The following ASMT variants were observed in gnomAD, a reference collection of about 807,000 sequenced individuals.
ASMT encodes acetylserotonin O-methyltransferase, also known as acetylserotonin N-methyltransferase.
A neutral mutation model predicts 41.3 loss-of-function variants in ASMT; 53 were observed. That is an observed-to-expected ratio of 1.28 (90% confidence interval 1.03 to 1.61). The LOEUF (loss-of-function observed/expected upper bound fraction) is 1.61. Among genes scored for constraint, ASMT ranks in the 40% most tolerant of loss-of-function variants. ASMT has a pLI of 0.00. For synonymous variants in ASMT, 231 were observed against 184.8 expected (o/e 1.25, Z -2.03); for missense variants, 531 against 441.3 (o/e 1.20, Z -1.82).
Position 1,627,942 on chromosome X carries a change from TG to T in ASMT, c.443+172del, listed in dbSNP as rs776122752. 2.8e-3 allele frequency: 1,969 copies of T among 695,130 alleles called. 20 individuals carry two copies. The African/African-American group carries it at 0.031, about 11-fold the overall frequency. 43.1% of individuals were successfully genotyped at this position (695,130 alleles called of 1,614,324 possible). The stretch of plus-strand genomic sequence containing the variant: ...ACTACCCCAGATTTTGCTCATCTGA[TG>T]TTTAAATTGATCAAATTCCTGAGGA... On this transcript the variant is annotated intron_variant, in intron 4 of 8. Coordinates refer to ENST00000381241, the MANE Select transcript of ASMT (RefSeq NM_001171038.2).
intron 5 of ASMT, among the ~76,000 whole-genome samples, chrX:1,630,799 C>T (rs1231635180): frequency 6.6e-6 from 1 of 151,966 alleles, no homozygotes; most frequent in East Asian, 1.9e-4. Context: ...CTCATGCAAT[C>T]CTGCTGCCTC....
At chrX:1,626,754 G>A (rs1210913937) in intron 3 of ASMT, among the ~76,000 whole-genome samples, 4 of 152,088 alleles carry the variant, frequency 2.6e-5, no homozygotes, top group East Asian at 1.9e-4. Context: ...CTGGCCAGGC[G>A]CGGTGGCTCA....
At chrX:1,617,121 T>G (rs1239202658) in intron 1 of ASMT, among the ~76,000 whole-genome samples, 1 of 151,988 alleles carries the variant, frequency 6.6e-6, no homozygotes, top group Non-Finnish European at 1.5e-5. Flanking sequence ...TGCAGTGAGC[T>G]ATGATTGCAC....
rs187673222 is a variant in ASMT at position 1,637,326 on chromosome X, A to G, written c.910+766A>G. On this transcript the variant is annotated intron_variant, in intron 8 of 8. Transcript: ENST00000381241. The stretch of plus-strand genomic sequence containing the variant: ...GAGGATGTGGGCACAGCCTCTGTGT[A>G]TGATGGGGACAGTGTCCCAGTGTCC... Among the ~76,000 whole-genome samples, 14 of 1,466 alleles carry G rather than the reference A, an allele frequency of 9.5e-3. 2 individuals carry two copies. The Admixed American group carries it at 0.12, about 12-fold the overall frequency. The allele number at this position is 1,466 out of a possible 152,430, so 1.0% of individuals were successfully genotyped here.
chrX:1,627,483 T>C (rs1299137612), intron 3 of ASMT, among the ~76,000 whole-genome samples: 6 of 148,846 alleles, frequency 4.0e-5, no homozygotes, highest in Admixed American at 6.7e-5. Context: ...TAGCTGGGCG[T>C]GGTGGCGGGC....
rs142665738 is a variant in ASMT at position 1,623,299 on chromosome X, C to T, written c.230C>T (p.Thr77Met). 2.0e-5 allele frequency: 32 copies of T among 1,613,706 alleles called. No individual in the cohort carries two copies. The highest frequency in any genetic ancestry group is 6.7e-5 in the African/African-American group (5 of 74,898). ...CVSLKLLKVETRGGKAFYRNT... is the reference protein window; with the variant it reads ...CVSLKLLKVEMRGGKAFYRNT... ...TCCCTGAAGCTGCTGAAAGTGGAGA[C>T]GAGGGGAGGAAAAGGTGAGGACACG... Residue 77 changes from threonine to methionine, a missense_variant, in exon 2 of 9, where the codon ACG (threonine) becomes ATG (methionine). By Grantham distance (81) the Thr-to-Met change is moderately conservative. Transcript: ENST00000381241.
intron 1 of ASMT, among the ~76,000 whole-genome samples, chrX:1,616,386 G>C (rs1312388600): frequency 1.3e-5 from 2 of 151,418 alleles, no homozygotes; most frequent in Non-Finnish European, 3.0e-5. Context: ...TATATGAAAT[G>C]TGCAGAGCAG....
In ASMT at chrX:1,636,482, C is replaced by G. The variant is rs778252161; in HGVS notation, c.832C>G (p.Leu278Val). 1 of 1,613,890 alleles carries G rather than the reference C, an allele frequency of 6.2e-7. No individual in the cohort carries two copies. The highest frequency in any genetic ancestry group is 1.7e-5 in the Admixed American group (1 of 59,984). Residue 278 changes from leucine to valine, a missense_variant, in exon 8 of 9, where the codon CTG (leucine) becomes GTG (valine). Coordinates refer to ENST00000381241, the MANE Select transcript of ASMT (RefSeq NM_001171038.2). ...TCTTCCGGAAGCTGATCTGTACATCCTGGCCAGGGTCCTCCATGACTGGGC... is the reference window on the plus strand; with the variant it reads ...TCTTCCGGAAGCTGATCTGTACATCGTGGCCAGGGTCCTCCATGACTGGGC... Reference protein sequence around the residue: ...DPLPEADLYILARVLHDWADG... With the variant: ...DPLPEADLYIVARVLHDWADG...
intron 6 of ASMT, 25 bp downstream of exon 6, chrX:1,632,812 A>G (rs28613362): frequency 0.51 from 232,997 of 453,146 alleles, 61,953 homozygotes; most frequent in South Asian, 0.59. Flanking sequence ...ATGAGACCAC[A>G]TGGACACAGG....
intron 2 of ASMT, 59 bp from the exon 3 acceptor site, chrX:1,624,210 C>T (rs1934439625): frequency 6.2e-7 from 1 of 1,611,022 alleles, no homozygotes; most frequent in African/African-American, 1.3e-5. Flanking sequence ...TGGGGAGCGT[C>T]CGCCGGCAGG....
Position 1,616,138 on chromosome X carries a change from C to G in ASMT, c.69+870C>G, listed in dbSNP as rs1251067941. ...CCGCCTCCAGGGTTCAGGCTATTCT[C>G]CTGCTTCAGCCTCCCGAGTATCTGG... On this transcript the variant is annotated intron_variant, in intron 1 of 8. Transcript: ENST00000381241. Among the ~76,000 whole-genome samples, 40 of 149,066 alleles carry G rather than the reference C, an allele frequency of 2.7e-4. 1 individual carries two copies. The highest frequency in any genetic ancestry group is 5.3e-4 in the Non-Finnish European group (36 of 67,984).
Position 1,635,132 on chromosome X carries a change from G to A in ASMT, c.788-1306G>A, listed in dbSNP as rs1266725020. Among the ~76,000 whole-genome samples, 358 of 138,326 alleles carry A rather than the reference G, an allele frequency of 2.6e-3. 8 individuals are homozygous for A. The highest frequency in any genetic ancestry group is 9.2e-3 in the African/African-American group (334 of 36,182). The allele number at this position is 138,326 out of a possible 152,430, so 90.7% of individuals were successfully genotyped here. On this transcript the variant is annotated intron_variant, in intron 7 of 8. Transcript: ENST00000381241. The stretch of plus-strand genomic sequence containing the variant: ...TGGGACTACAGGCGCCCACCACCAC[G>A]CCCAGCTAATTTTTTTTTTTTTTTT...
At chrX:1,636,584 A>C in intron 8 of ASMT, 24 bp downstream of exon 8, 1 of 1,613,876 alleles carries the variant, frequency 6.2e-7, no homozygotes, top group Non-Finnish European at 8.5e-7. Flanking sequence ...TTTGCATTTC[A>C]GCGTGTGCTT....
chrX:1,617,378 G>A (rs1161536405), intron 1 of ASMT, among the ~76,000 whole-genome samples: 1 of 151,188 alleles, frequency 6.6e-6, no homozygotes, highest in African/African-American at 2.4e-5. Context: ...GCTGAGGCAG[G>A]AGAATTGCTT....
intron 8 of ASMT, among the ~76,000 whole-genome samples, chrX:1,642,054 TCC>T (rs1935200064): frequency 7.2e-6 from 1 of 138,838 alleles, no homozygotes. Context: ...GTGAGGTCCA[TCC>T]ATCCTGATGG....
At chrX:1,625,718 G>A (rs1934515463) in intron 3 of ASMT, among the ~76,000 whole-genome samples, 2 of 151,684 alleles carry the variant, frequency 1.3e-5, no homozygotes, top group Non-Finnish European at 2.9e-5. Context: ...ACTTTGGGAG[G>A]CTGAGGCGGG....
chrX:1,625,886 C>T (rs1367758968), intron 3 of ASMT, among the ~76,000 whole-genome samples: 5 of 137,572 alleles, frequency 3.6e-5, no homozygotes, highest in Admixed American at 1.6e-4. Context: ...ACCCGGGAGG[C>T]GGAGGTTGCA....
chrX:1,619,227 C>CACTTTGTATTTTG (rs1424329915), intron 1 of ASMT, among the ~76,000 whole-genome samples: 37 of 151,862 alleles, frequency 2.4e-4, no homozygotes, highest in African/African-American at 8.9e-4. Flanking sequence ...AATCCCATCT[C>CACTTTGTATTTTG]TACTAAAAAT....
At position 1,619,587 on chromosome X, in the gene ASMT, T is replaced by TAATAATAAA. The variant is rs1420115346; in HGVS notation, c.70-3550_70-3549insTAATAAAAA. Among the ~76,000 whole-genome samples the TAATAATAAA allele has an allele frequency of 6.9e-3, 943 of 136,062 alleles. 11 individuals carry two copies. The highest frequency in any genetic ancestry group is 0.025 in the African/African-American group (898 of 35,526). The allele number at this position is 136,062 out of a possible 152,430, so 89.3% of individuals were successfully genotyped here. On this transcript the variant is annotated intron_variant, in intron 1 of 8. Coordinates refer to ENST00000381241, the MANE Select transcript of ASMT (RefSeq NM_001171038.2). ...ATAATAATAATAATAATAATAATAA[T>TAATAATAAA]AAAAAGTCTTTGGGAGCAGAAAAAA...
Sources: allele counts gnomAD v4.1 joint callset (sites outside exome capture counted in the v4.1 genomes callset), GRCh38; gene constraint gnomAD v4.1.1; transcripts MANE v1.5; gene names NCBI Gene and HGNC (gene_info 2026-07-23, HGNC 2026-07-21).